Variants in G2E3 observed in about 807,000 individuals in gnomAD.
G2E3 encodes G2/M phase-specific E3 ubiquitin-protein ligase.
In G2E3, 35 loss-of-function variants were observed where a neutral mutation model predicts 92.8. The observed-to-expected ratio is 0.38, with a 90% CI of 0.29 to 0.50. G2E3 has a LOEUF of 0.50. Among genes scored for constraint, G2E3 ranks in the 20% least tolerant of loss-of-function variants. The probability of loss-of-function intolerance (pLI) is 0.94; values close to 1 mark genes in which losing one functional copy is unlikely to be tolerated. For synonymous variants in G2E3, 242 were observed against 272.4 expected (o/e 0.89, Z 1.10); for missense variants, 554 against 823.8 (o/e 0.67, Z 4.01).
Position 30,598,717 on chromosome 14 carries a change from G to A in G2E3, c.752+118G>A. 4.0e-6 allele frequency: 3 copies of A among 756,126 alleles called. No homozygotes were observed. The South Asian group carries it at 4.4e-5, about 11-fold the overall frequency. 46.8% of individuals were successfully genotyped at this position (756,126 alleles called of 1,614,324 possible). A position where few individuals can be genotyped will look rare whatever the true frequency, so the allele number is the denominator to read the frequency against. On this transcript the variant is annotated intron_variant, in intron 8 of 14. Coordinates refer to ENST00000206595, the MANE Select transcript of G2E3 (RefSeq NM_017769.5). The stretch of plus-strand genomic sequence containing the variant: ...TCTTAGGATGTTAGAAGTTTAAATT[G>A]AGATGAGGGATATTTTCTAATGCAC...
intron 1 of G2E3, among the ~76,000 whole-genome samples, chr14:30,564,551 T>G (rs1594457813): frequency 6.6e-6 from 1 of 152,182 alleles, no homozygotes; most frequent in East Asian, 1.9e-4. Context: ...CCAGGCTGGT[T>G]GCAAACACCT....
chr14:30,615,251 G>A (rs1276188496), intron 13 of G2E3, 98 bp from the exon 14 acceptor site: 3 of 613,888 alleles, frequency 4.9e-6, no homozygotes, highest in East Asian at 2.9e-5. Context: ...ATCATTAGCT[G>A]TTTTGAAAAC....
Position 30,615,445 on chromosome 14 carries a change from TTC to T in G2E3, c.1772_1773del (p.Ser591CysfsTer5). 6.2e-7 allele frequency: 1 copy of T among 1,611,896 alleles called. No individual in the cohort carries two copies. The highest frequency in any genetic ancestry group is 8.5e-7 in the Non-Finnish European group (1 of 1,178,230). On this transcript the variant is annotated frameshift_variant, in exon 14 of 15. Coordinates refer to ENST00000206595, the MANE Select transcript of G2E3 (RefSeq NM_017769.5). LOFTEE classifies it high-confidence loss of function. The stretch of plus-strand genomic sequence containing the variant: ...TCCTGTGTCATAAACCTGAGAGTCT[TTC>T]TGCAAAAATCCTTAGTGAGCTTTTT... ...SILCHKPESL[S>X]AKILSELFTV...
chr14:30,568,308 C>G (rs1879557614), intron 1 of G2E3, among the ~76,000 whole-genome samples: 1 of 152,076 alleles, frequency 6.6e-6, no homozygotes, highest in African/African-American at 2.4e-5. Flanking sequence ...GTTTTGATAT[C>G]TATAGCTTGA....
At chr14:30,596,156 G>GTGTC (rs1239751030) in intron 6 of G2E3, among the ~76,000 whole-genome samples, 5 of 141,822 alleles carry the variant, frequency 3.5e-5, no homozygotes, top group African/African-American at 5.2e-5. Flanking sequence ...GTGTGTGTGT[G>GTGTC]TGTGTGTGTC....
chr14:30,563,696 TG>T (rs1879259442), intron 1 of G2E3, among the ~76,000 whole-genome samples: 1 of 11,730 alleles, frequency 8.5e-5, no homozygotes, highest in Non-Finnish European at 1.6e-4. Context: ...TTGTTACTTT[TG>T]TGTGTGTGTG....
rs1882134511 is a variant in G2E3, at chr14:30,612,368, AC to A, written c.1665del (p.Phe556LeufsTer8). Reference sequence around the variant, plus strand: ...ACCATGTAATTCAGAGAGTCCACACACCCTTTGAAAGGTAAGTTGTTTCTAT... The same window carrying A: ...ACCATGTAATTCAGAGAGTCCACACACCTTTGAAAGGTAAGTTGTTTCTAT... ...GYHVIQRVHT[P>X]FESFKQGLKT... On this transcript the variant is annotated frameshift_variant, in exon 13 of 15. Coordinates refer to ENST00000206595, the MANE Select transcript of G2E3 (RefSeq NM_017769.5). LOFTEE classifies it high-confidence loss of function. The A allele has an allele frequency of 6.4e-7, 1 of 1,571,528 alleles. No homozygotes were observed. The highest frequency in any genetic ancestry group is 1.4e-5 in the African/African-American group (1 of 73,498).
chr14:30,581,138 A>G, intron 2 of G2E3, 22 bp downstream of exon 2: 1 of 1,311,122 alleles, frequency 7.6e-7, no homozygotes, highest in Non-Finnish European at 1.1e-6. Flanking sequence ...TATTTAAAAT[A>G]ATTTTATTAC....
intron 6 of G2E3, among the ~76,000 whole-genome samples, chr14:30,595,379 A>C (rs1474050589): frequency 1.3e-5 from 2 of 152,210 alleles, no homozygotes; most frequent in East Asian, 3.8e-4. Context: ...ATTTTGTAGC[A>C]GTATGTTATT....
intron 1 of G2E3, among the ~76,000 whole-genome samples, chr14:30,563,159 G>GTT (rs777808352): frequency 2.2e-4 from 32 of 142,678 alleles, no homozygotes; most frequent in African/African-American, 6.6e-4. Flanking sequence ...TCTTGGTACA[G>GTT]TTTTTTTTTT....
chr14:30,601,720 A>C, intron 8 of G2E3, 50 bp from the exon 9 acceptor site: 1 of 1,604,110 alleles, frequency 6.2e-7, no homozygotes, highest in Non-Finnish European at 8.5e-7. Context: ...CTAGTGGTTG[A>C]AACTAGAATA....
intron 1 of G2E3, among the ~76,000 whole-genome samples, chr14:30,564,977 A>G (rs982642075): frequency 3.3e-5 from 5 of 152,172 alleles, no homozygotes; most frequent in East Asian, 3.9e-4. Flanking sequence ...AAATATTTCA[A>G]TTGTTTTGGT....
chr14:30,605,047 C>T (rs1268166054), intron 10 of G2E3, among the ~76,000 whole-genome samples: 2 of 152,180 alleles, frequency 1.3e-5, no homozygotes, highest in African/African-American at 2.4e-5. Context: ...CAGGCATACG[C>T]CACGACGCCC....
chr14:30,581,183 G>T, intron 2 of G2E3, 67 bp downstream of exon 2: 1 of 845,496 alleles, frequency 1.2e-6, no homozygotes. Context: ...TAAACATTAG[G>T]ACTGAAGAGG....
intron 1 of G2E3, among the ~76,000 whole-genome samples, chr14:30,562,544 G>C (rs1879168084): frequency 6.6e-6 from 1 of 152,026 alleles, no homozygotes; most frequent in Admixed American, 6.5e-5. Flanking sequence ...ATGGTCTAGC[G>C]ATAGCGTCAG....
chr14:30,598,077 GTA>G, intron 7 of G2E3: 1 of 169,736 alleles, frequency 5.9e-6, no homozygotes, highest in Admixed American at 5.7e-5. Flanking sequence ...ATTCTCCTAA[GTA>G]TATAAAAGTT....
At chr14:30,612,411 C>G in intron 13 of G2E3, 32 bp downstream of exon 13, 5 of 1,317,942 alleles carry the variant, frequency 3.8e-6, no homozygotes, top group South Asian at 1.5e-5. Flanking sequence ...ATGGCTCTTT[C>G]AAATTACATG....
chr14:30,608,297 A>C (rs1462736206), intron 12 of G2E3, among the ~76,000 whole-genome samples: 2 of 152,174 alleles, frequency 1.3e-5, no homozygotes, highest in East Asian at 3.8e-4. Context: ...CAGTTGGATA[A>C]TGTGATTTTG....
At position 30,560,525 on chromosome 14, in the gene G2E3, G is replaced by A. The variant is rs979174680; in HGVS notation, c.-5+1253G>A. 34 of 434,520 alleles carry A rather than the reference G, an allele frequency of 7.8e-5. 1 individual carries two copies. In the South Asian group the frequency reaches 1.4e-3, roughly 18 times the overall value. The allele number at this position is 434,520 out of a possible 1,614,324, so 26.9% of individuals were successfully genotyped here. Reference sequence around the variant, plus strand: ...GGTGTTTAGGATAGTTAAAATATGAGCATTTTTCATATAGTGTCTTTGTAA... The same window carrying A: ...GGTGTTTAGGATAGTTAAAATATGAACATTTTTCATATAGTGTCTTTGTAA... On this transcript the variant is annotated intron_variant, in intron 1 of 14. Transcript: ENST00000206595.
Sources: gnomAD v4.1 joint callset for allele counts (sites outside exome capture counted in the v4.1 genomes callset) on GRCh38, gnomAD v4.1.1 for gene constraint, MANE v1.5 for transcripts, NCBI Gene and HGNC (gene_info 2026-07-23, HGNC 2026-07-21) for gene names.